Variants in NCKAP5 observed in about 807,000 individuals in gnomAD.
The protein encoded by NCKAP5 is NCK associated protein 5, also known as nck-associated protein 5.
NCKAP5 carries 92 observed loss-of-function variants against 167.0 expected under a neutral mutation model. The observed-to-expected ratio is 0.55, with a 90% CI of 0.47 to 0.66. NCKAP5 has a LOEUF of 0.66. NCKAP5 is among the 30% of genes least tolerant of loss of function. The pLI, the probability that NCKAP5 is intolerant of heterozygous loss-of-function variation, is 0.00. For synonymous variants in NCKAP5, 891 were observed against 877.4 expected (o/e 1.02, Z -0.27); for missense variants, 2,378 against 2,315.0 (o/e 1.03, Z -0.56).
At chr2:133,276,943 T>C (rs2089754285) in intron 4 of NCKAP5, among the ~76,000 whole-genome samples, 1 of 152,104 alleles carries the variant, frequency 6.6e-6, no homozygotes, top group Admixed American at 6.6e-5. Flanking sequence ...ATTACAAGAT[T>C]CTCTACACAA....
At chr2:133,218,082 T>A (rs1418503232) in intron 4 of NCKAP5, among the ~76,000 whole-genome samples, 2 of 151,704 alleles carry the variant, frequency 1.3e-5, no homozygotes, top group Non-Finnish European at 3.0e-5. Context: ...AAACTGAGGA[T>A]CCCAAAGAGA....
intron 16 of NCKAP5, among the ~76,000 whole-genome samples, chr2:132,762,323 G>C (rs928226387): frequency 6.6e-6 from 1 of 150,572 alleles, no homozygotes; most frequent in Admixed American, 6.6e-5. Context: ...TCAGGTTTTT[G>C]CGCTGAGGCA....
chr2:133,570,180 A>G (rs2105067012), upstream of NCKAP5, among the ~76,000 whole-genome samples: 1 of 152,326 alleles, frequency 6.6e-6, no homozygotes, highest in Middle Eastern at 3.4e-3. Context: ...AACTTTGCAT[A>G]TGATGAGAGG....
intron 5 of NCKAP5, among the ~76,000 whole-genome samples, chr2:133,206,309 C>A (rs965157924): frequency 1.3e-5 from 2 of 152,028 alleles, no homozygotes; most frequent in Non-Finnish European, 2.9e-5. Context: ...ACAGAGGTAC[C>A]AGCTGGAGCC....
At chr2:132,831,998 G>T (rs1275342562) in intron 11 of NCKAP5, among the ~76,000 whole-genome samples, 2 of 151,940 alleles carry the variant, frequency 1.3e-5, no homozygotes, top group African/African-American at 4.8e-5. Flanking sequence ...ACATTGTGAA[G>T]ATATTTTCCT....
intron 3 of NCKAP5, among the ~76,000 whole-genome samples, chr2:133,306,460 AAG>A (rs1242910136): frequency 6.6e-6 from 1 of 152,254 alleles, no homozygotes; most frequent in African/African-American, 2.4e-5. Flanking sequence ...GCATTTTAGA[AAG>A]AGCCTCAGAC....
At chr2:132,844,118 A>T (rs914145104) in intron 11 of NCKAP5, among the ~76,000 whole-genome samples, 6 of 152,266 alleles carry the variant, frequency 3.9e-5, no homozygotes, top group Middle Eastern at 3.4e-3. Flanking sequence ...ATCTACCATG[A>T]AATTATCTGC....
In NCKAP5 at chr2:132,796,822, C is replaced by G. The variant is rs1314208876; in HGVS notation, c.808-93G>C. 5.8e-6 allele frequency: 5 copies of G among 865,426 alleles called. No homozygotes were observed. In the East Asian group the frequency reaches 1.3e-4, roughly 23 times the overall value. 53.6% of individuals were successfully genotyped at this position (865,426 alleles called of 1,614,324 possible). A position where few individuals can be genotyped will look rare whatever the true frequency, so the allele number is the denominator to read the frequency against. On this transcript the variant is annotated intron_variant, in intron 11 of 19. Transcript: ENST00000409261. ...GACAGTTAAATCTCAAAAGACTTGA[C>G]ATTTCCAGATTAGATAATACATGTC...
intron 6 of NCKAP5, among the ~76,000 whole-genome samples, chr2:133,082,448 G>A (rs1270047573): frequency 6.6e-6 from 1 of 152,124 alleles, no homozygotes; most frequent in Admixed American, 6.6e-5. Flanking sequence ...AGTCACTCGT[G>A]CTTTTTCACT....
chr2:133,208,203 G>A (rs144708477), intron 5 of NCKAP5, among the ~76,000 whole-genome samples: 84 of 152,218 alleles, frequency 5.5e-4, no homozygotes, highest in Middle Eastern at 3.4e-3. Context: ...TCTGGGCATG[G>A]TGGTTTGCAC....
At chr2:133,211,302 C>T (rs1296374248) in intron 5 of NCKAP5, among the ~76,000 whole-genome samples, 1 of 152,082 alleles carries the variant, frequency 6.6e-6, no homozygotes, top group Admixed American at 6.6e-5. Context: ...ATGATCATGG[C>T]TCACTGCAAC....
At chr2:132,963,641 C>A in intron 8 of NCKAP5, 79 bp downstream of exon 8, 1 of 1,399,584 alleles carries the variant, frequency 7.1e-7, no homozygotes, top group South Asian at 1.2e-5. Context: ...GATTTATACT[C>A]ACTCAAAACC....
At chr2:132,945,624 T>C (rs902390147) in intron 8 of NCKAP5, among the ~76,000 whole-genome samples, 1 of 152,028 alleles carries the variant, frequency 6.6e-6, no homozygotes, top group Non-Finnish European at 1.5e-5. Flanking sequence ...GGGGGAAAAA[T>C]TACCTCAATT....
chr2:133,021,355 G>A (rs888170286), intron 6 of NCKAP5, among the ~76,000 whole-genome samples: 4 of 152,164 alleles, frequency 2.6e-5, no homozygotes, highest in Non-Finnish European at 4.4e-5. Context: ...AATGAACAAA[G>A]GGGTCCTTAG....
intron 16 of NCKAP5, among the ~76,000 whole-genome samples, chr2:132,772,399 A>G (rs945178531): frequency 1.3e-5 from 2 of 152,196 alleles, no homozygotes; most frequent in South Asian, 4.1e-4. Context: ...TTATGGCATC[A>G]AGCAGCACAG....
At chr2:133,287,676 T>A (rs1299818847) in intron 4 of NCKAP5, among the ~76,000 whole-genome samples, 1 of 152,004 alleles carries the variant, frequency 6.6e-6, no homozygotes, top group Admixed American at 6.6e-5. Flanking sequence ...AATTTTAGAG[T>A]TTTTACAAGA....
At chr2:132,731,608 G>GA in intron 17 of NCKAP5, 129 bp downstream of exon 17, 1 of 945,032 alleles carries the variant, frequency 1.1e-6, no homozygotes, top group Non-Finnish European at 1.5e-6. Context: ...GTTGGTGAAG[G>GA]ACATGAAGGA....
intron 13 of NCKAP5, among the ~76,000 whole-genome samples, chr2:132,789,203 C>T (rs567447458): frequency 3.1e-4 from 47 of 152,302 alleles, no homozygotes; most frequent in Non-Finnish European, 5.1e-4. Flanking sequence ...AAGAGCAGAG[C>T]GAGGGGCTCT....
chr2:132,886,016 G>A (rs991177493), intron 8 of NCKAP5, among the ~76,000 whole-genome samples: 35 of 152,134 alleles, frequency 2.3e-4, no homozygotes, highest in African/African-American at 8.4e-4. Context: ...AGCTCCTAAA[G>A]CTCCCATGCT....
Sources: allele counts gnomAD v4.1 joint callset (sites outside exome capture counted in the v4.1 genomes callset), GRCh38; gene constraint gnomAD v4.1.1; transcripts MANE v1.5; gene names NCBI Gene and HGNC (gene_info 2026-07-23, HGNC 2026-07-21).